Variants in TF observed in about 807,000 individuals in gnomAD.
The protein encoded by TF is serotransferrin.
In TF, 55 loss-of-function variants were observed where a neutral mutation model predicts 82.4. That is an observed-to-expected ratio of 0.67 (90% confidence interval 0.54 to 0.84). The LOEUF is 0.84. Ranked by LOEUF, TF falls within the 40% of genes least tolerant of loss-of-function variation. The pLI is 0.00. For missense variants in TF, 737 were observed against 868.4 expected (o/e 0.85, Z 1.90); for synonymous variants, 332 against 332.6 (o/e 1.00, Z 0.02).
chr3:133,732,264 G>A, the TF span, among the ~76,000 whole-genome samples: 2 of 152,198 alleles, frequency 1.3e-5, no homozygotes, highest in Non-Finnish European at 2.9e-5. Flanking sequence ...GTCGGGTGGG[G>A]ACTTGGAGAA....
the TF span, among the ~76,000 whole-genome samples, chr3:133,709,341 A>G: frequency 6.6e-6 from 1 of 152,144 alleles, no homozygotes; most frequent in Non-Finnish European, 1.5e-5. Flanking sequence ...CAGAAGGGGG[A>G]CAGGATGGAA....
chr3:133,734,046 A>C, the TF span, among the ~76,000 whole-genome samples: 6 of 152,160 alleles, frequency 3.9e-5, no homozygotes. Flanking sequence ...GCGGTTTCTC[A>C]TGGCCAGAGA....
At chr3:133,748,783 A>G in intron 2 of TF, 199 bp downstream of exon 2, 1 of 678,648 alleles carries the variant, frequency 1.5e-6, no homozygotes, top group Non-Finnish European at 2.5e-6. Flanking sequence ...AAAGCACATT[A>G]ACTTTTGCTT....
At chr3:133,746,142 G>A (rs1933490852), upstream of TF, 1 of 508,654 alleles carries the variant, frequency 2.0e-6, no homozygotes, top group South Asian at 2.0e-5. Flanking sequence ...CTGGCACCGA[G>A]CGAGCCGCGA....
chr3:133,694,721 C>G, the TF span, among the ~76,000 whole-genome samples: 1 of 152,198 alleles, frequency 6.6e-6, no homozygotes, highest in Non-Finnish European at 1.5e-5. Context: ...CTTGTGCGTA[C>G]CTCGCCCCAT....
At chr3:133,735,339 C>CA in the TF span, among the ~76,000 whole-genome samples, 1,704 of 123,356 alleles carry the variant, frequency 0.014, 24 homozygotes, top group African/African-American at 0.039. Context: ...GACTCCATCC[C>CA]AAAAAAAAAA....
At chr3:133,674,205 T>TA in the TF span, among the ~76,000 whole-genome samples, 1 of 152,220 alleles carries the variant, frequency 6.6e-6, no homozygotes. Flanking sequence ...TTGAGACGTT[T>TA]AGGAGCTGCT....
the TF span, among the ~76,000 whole-genome samples, chr3:133,737,268 G>A: frequency 1.4e-4 from 22 of 152,272 alleles, no homozygotes; most frequent in African/African-American, 4.8e-4. Context: ...TGAAACCAAT[G>A]AGAACAAAGA....
upstream of TF, among the ~76,000 whole-genome samples, chr3:133,742,180 C>T (rs1933405362): frequency 6.6e-6 from 1 of 152,140 alleles, no homozygotes; most frequent in African/African-American, 2.4e-5. Context: ...CGAGTTCTCA[C>T]TATATTGCCC....
chr3:133,713,524 A>G, the TF span, among the ~76,000 whole-genome samples: 2 of 152,084 alleles, frequency 1.3e-5, no homozygotes, highest in East Asian at 3.9e-4. Context: ...AACTTTTAGC[A>G]CCTCCACAGT....
At chr3:133,723,010 TTTC>T in the TF span, among the ~76,000 whole-genome samples, 5 of 152,252 alleles carry the variant, frequency 3.3e-5, no homozygotes, top group African/African-American at 4.8e-5. Context: ...AAGGACTTTA[TTTC>T]TTCTTCATTT....
At chr3:133,753,942 CAG>C (rs1933750776) in intron 3 of TF, 4 of 599,386 alleles carry the variant, frequency 6.7e-6, no homozygotes, top group Middle Eastern at 4.5e-4. Context: ...ATATGCTTAT[CAG>C]AGAAACACAG....
At chr3:133,677,472 A>G in the TF span, among the ~76,000 whole-genome samples, 2 of 152,154 alleles carry the variant, frequency 1.3e-5, no homozygotes, top group Non-Finnish European at 2.9e-5. Context: ...CCGTGTCTCT[A>G]CTAAAAATAC....
At chr3:133,717,886 A>T in the TF span, among the ~76,000 whole-genome samples, 1 of 152,218 alleles carries the variant, frequency 6.6e-6, no homozygotes, top group Admixed American at 6.5e-5. Flanking sequence ...GTGGAAAAGA[A>T]TTGAGGTCCA....
the TF span, among the ~76,000 whole-genome samples, chr3:133,667,578 A>G: frequency 6.6e-6 from 1 of 152,156 alleles, no homozygotes; most frequent in Non-Finnish European, 1.5e-5. Flanking sequence ...GTATGGGGCC[A>G]AAGATAGCAA....
At position 133,789,059 on chromosome 3, in the gene TF, G is replaced by C. The variant is rs77478723; in HGVS notation, c.*10439G>C. On this transcript the variant is annotated 3_prime_UTR_variant, in exon 17 of 17. Coordinates refer to ENST00000402696, the MANE Select transcript of TF (RefSeq NM_001063.4). ...TATGCAAAGCGGCACTGGTGCCCACGTAAGGTCAGAGATGCCTGACACTCT... is the reference window on the plus strand; with the variant it reads ...TATGCAAAGCGGCACTGGTGCCCACCTAAGGTCAGAGATGCCTGACACTCT... 3,510 of 152,390 alleles carry C rather than the reference G, an allele frequency of 0.023. 92 individuals are homozygous for C. The highest frequency in any genetic ancestry group is 0.058 in the African/African-American group (2,432 of 41,580). The allele number at this position is 152,390 out of a possible 1,614,324, so 9.4% of individuals were successfully genotyped here.
At chr3:133,714,473 A>G in the TF span, among the ~76,000 whole-genome samples, 2 of 152,248 alleles carry the variant, frequency 1.3e-5, no homozygotes, top group African/African-American at 2.4e-5. Context: ...TCACAGATCT[A>G]CAACAACATA....
chr3:133,678,608 C>A, the TF span, among the ~76,000 whole-genome samples: 1 of 152,114 alleles, frequency 6.6e-6, no homozygotes, highest in African/African-American at 2.4e-5. Flanking sequence ...TCTCTAATGA[C>A]CAGTGATGTT....
the TF span, chr3:133,709,699 T>C: frequency 6.5e-6 from 1 of 153,464 alleles, no homozygotes; most frequent in Non-Finnish European, 1.5e-5. Context: ...GTTGTGGCAG[T>C]TCATTCCCTG....
Sources: allele counts gnomAD v4.1 joint callset (sites outside exome capture counted in the v4.1 genomes callset), GRCh38; gene constraint gnomAD v4.1.1; transcripts MANE v1.5; gene names NCBI Gene and HGNC (gene_info 2026-07-23, HGNC 2026-07-21).